DPYD: variants seen among roughly 807,000 people sequenced by gnomAD.
DPYD encodes the protein dihydropyrimidine dehydrogenase, also known as dihydropyrimidine dehydrogenase [NADP(+)].
Under a neutral mutation model 116.2 loss-of-function variants are expected in DPYD, and 109 were observed. That is an observed-to-expected ratio of 0.94 (90% CI 0.80 to 1.10). The LOEUF (loss-of-function observed/expected upper bound fraction) is 1.10. Among genes scored for constraint, DPYD ranks in the 50% least tolerant of loss-of-function variants. The probability of loss-of-function intolerance (pLI) is 0.00; values close to 1 mark genes in which losing one functional copy is unlikely to be tolerated. For synonymous variants in DPYD, 440 were observed against 432.0 expected (o/e 1.02, Z -0.23); for missense variants, 1,302 against 1,254.5 (o/e 1.04, Z -0.57).
intron 8 of DPYD, among the ~76,000 whole-genome samples, chr1:97,673,561 T>C (rs958333174): frequency 6.6e-6 from 1 of 152,162 alleles, no homozygotes; most frequent in Non-Finnish European, 1.5e-5. Flanking sequence ...ACCAAACATC[T>C]GTCAATGAAG....
chr1:97,258,905 CAT>C (rs1480102272), intron 18 of DPYD, among the ~76,000 whole-genome samples: 1 of 152,086 alleles, frequency 6.6e-6, no homozygotes, highest in Non-Finnish European at 1.5e-5. Context: ...TAGAAAATGA[CAT>C]AAAAGATTTC....
intron 21 of DPYD, among the ~76,000 whole-genome samples, chr1:97,092,631 G>C (rs1405317933): frequency 2.6e-5 from 4 of 151,974 alleles, no homozygotes; most frequent in Non-Finnish European, 5.9e-5. Context: ...GAACACAGTG[G>C]GCGTTGGAAA....
At chr1:97,187,124 T>C (rs1199893956) in intron 20 of DPYD, among the ~76,000 whole-genome samples, 1 of 152,174 alleles carries the variant, frequency 6.6e-6, no homozygotes, top group African/African-American at 2.4e-5. Context: ...AATGGTAGTT[T>C]TATTTTCAGT....
chr1:97,583,048 G>A (rs1321780552), intron 10 of DPYD, among the ~76,000 whole-genome samples: 2 of 151,912 alleles, frequency 1.3e-5, no homozygotes, highest in African/African-American at 4.8e-5. Flanking sequence ...CACTCATTGC[G>A]AGCTCTGCCT....
At chr1:97,525,984 T>A (rs1043005279) in intron 12 of DPYD, among the ~76,000 whole-genome samples, 30 of 147,434 alleles carry the variant, frequency 2.0e-4, no homozygotes, top group African/African-American at 7.3e-4. Flanking sequence ...TAAGAGTGTG[T>A]GTGTGTGTGT....
intron 8 of DPYD, among the ~76,000 whole-genome samples, chr1:97,622,386 T>TA (rs911308676): frequency 6.6e-6 from 1 of 151,810 alleles, no homozygotes; most frequent in African/African-American, 2.4e-5. Context: ...AGGAACATTC[T>TA]AAAAAAATAC....
intron 1 of DPYD, among the ~76,000 whole-genome samples, chr1:97,899,579 A>G (rs1235075774): frequency 6.6e-6 from 1 of 151,856 alleles, no homozygotes; most frequent in Non-Finnish European, 1.5e-5. Context: ...ATGTACATCT[A>G]TTCCCTAGTG....
At chr1:97,324,424 G>C (rs144735814) in intron 16 of DPYD, among the ~76,000 whole-genome samples, 2,127 of 152,078 alleles carry the variant, frequency 0.014, 28 homozygotes, top group South Asian at 0.023. Context: ...ACAATATCTG[G>C]TCCAATAAAT....
chr1:97,736,850 T>TTGTGTGTGTGTGTG (rs71590232), intron 4 of DPYD, among the ~76,000 whole-genome samples: 67 of 142,102 alleles, frequency 4.7e-4, no homozygotes, highest in African/African-American at 1.6e-3. Context: ...GTGTGTGCAT[T>TTGTGTGTGTGTGTG]TGTGTGTGTG....
intron 19 of DPYD, among the ~76,000 whole-genome samples, chr1:97,212,888 A>G (rs1660129968): frequency 6.6e-6 from 1 of 152,162 alleles, no homozygotes; most frequent in African/African-American, 2.4e-5. Flanking sequence ...GAGGACAGTA[A>G]TAACACCTGT....
intron 11 of DPYD, among the ~76,000 whole-genome samples, chr1:97,562,170 G>C (rs1652198062): frequency 6.6e-6 from 1 of 152,202 alleles, no homozygotes; most frequent in Non-Finnish European, 1.5e-5. Flanking sequence ...GGGCAGATTA[G>C]TAGGATGTCA....
chr1:97,832,114 T>C (rs946833871), intron 2 of DPYD, among the ~76,000 whole-genome samples: 18 of 147,638 alleles, frequency 1.2e-4, no homozygotes, highest in Admixed American at 4.8e-4. Context: ...CCAGTTAACA[T>C]TGAGTAGTGA....
rs79025860 is a variant in DPYD, at chr1:97,844,653, G to A, written c.151-16457C>T. 6.6e-3 allele frequency among the ~76,000 whole-genome samples: 1,004 copies of A among 152,274 alleles called. 12 individuals carry two copies. Among genetic ancestry groups the A allele is most frequent in the Non-Finnish European group, 0.012 (793 of 68,018 alleles). On this transcript the variant is annotated intron_variant, in intron 2 of 22. Transcript: ENST00000370192. ...TATGGCTGGAGGAAGCATGGCCAGC[G>A]CTACACCCTCCATAGGGCCAGCAGG...
intron 2 of DPYD, among the ~76,000 whole-genome samples, chr1:97,870,864 G>A (rs532682702): frequency 6.6e-6 from 1 of 151,854 alleles, no homozygotes; most frequent in East Asian, 2.0e-4. Flanking sequence ...TACCTATTCA[G>A]GCCTCTAGCA....
chr1:97,642,215 T>C (rs1028944380), intron 8 of DPYD, among the ~76,000 whole-genome samples: 11 of 151,572 alleles, frequency 7.3e-5, no homozygotes, highest in South Asian at 2.1e-4. Context: ...CAAGCTACCA[T>C]TGACTTTCTT....
chr1:97,453,355 C>T (rs1381134610), intron 13 of DPYD, among the ~76,000 whole-genome samples: 2 of 152,106 alleles, frequency 1.3e-5, no homozygotes, highest in Non-Finnish European at 1.5e-5. Context: ...TATTTCCTAG[C>T]TAATGAGCCT....
At chr1:97,357,379 T>C (rs1342538513) in intron 16 of DPYD, among the ~76,000 whole-genome samples, 1 of 152,102 alleles carries the variant, frequency 6.6e-6, no homozygotes, top group African/African-American at 2.4e-5. Flanking sequence ...TTTTTTTTTT[T>C]TGGTGGAATC....
intron 14 of DPYD, among the ~76,000 whole-genome samples, chr1:97,399,645 C>A: frequency 6.6e-6 from 1 of 152,140 alleles, no homozygotes; most frequent in South Asian, 2.1e-4. Context: ...TTGTAGTTCT[C>A]CTTGAAGAGG....
At chr1:97,916,333 C>T (rs148450462) in intron 1 of DPYD, among the ~76,000 whole-genome samples, 380 of 152,206 alleles carry the variant, frequency 2.5e-3, no homozygotes, top group African/African-American at 8.5e-3. Flanking sequence ...TATCCCTCCT[C>T]CCGACCCCAC....
Sources: gnomAD v4.1 joint callset for allele counts (sites outside exome capture counted in the v4.1 genomes callset) on GRCh38, gnomAD v4.1.1 for gene constraint, MANE v1.5 for transcripts, NCBI Gene and HGNC (gene_info 2026-07-23, HGNC 2026-07-21) for gene names.